WTIP: variants seen among roughly 807,000 people sequenced by gnomAD.
WTIP encodes the protein WT1 interacting protein.
Under a neutral mutation model 41.7 loss-of-function variants are expected in WTIP, and 23 were observed. That is an observed-to-expected ratio of 0.55 (90% confidence interval 0.40 to 0.78). The LOEUF (loss-of-function observed/expected upper bound fraction) is 0.78, where lower values mean the gene tolerates loss of function less well. Among genes scored for constraint, WTIP ranks in the 30% least tolerant of loss-of-function variants. The pLI, the probability that WTIP is intolerant of heterozygous loss-of-function variation, is 0.00. For synonymous variants in WTIP, 314 were observed against 269.9 expected, an observed-to-expected ratio of 1.16 and a Z score of -1.60; for missense variants, 619 against 610.5, an observed-to-expected ratio of 1.01 and a Z score of -0.15.
Position 34,493,659 on chromosome 19 carries a change from G to A in WTIP, c.1031+37G>A, listed in dbSNP as rs1254408568. The stretch of plus-strand genomic sequence containing the variant: ...GTGCTGTGGAGCAGGCGGGACTCGG[G>A]CCGTCCTCCCTGGCTCCTCTGGAAG... On this transcript the variant is annotated intron_variant, in intron 5 of 7. Transcript: ENST00000590071. The surrounding 1 kb of genome is among the most constrained non-coding windows in gnomAD (Gnocchi z 4.1). The A allele has an allele frequency of 6.2e-7, 1 of 1,611,164 alleles. No individual in the cohort carries two copies. The highest frequency in any genetic ancestry group is 8.5e-7 in the Non-Finnish European group (1 of 1,178,840).
chr19:34,506,872 G>A lies in WTIP; in HGVS notation c.*6603G>A, dbSNP rs190188273. 6.6e-6 allele frequency: 1 copy of A among 152,124 alleles called. No homozygotes were observed. The highest frequency in any genetic ancestry group is 6.5e-5 in the Admixed American group (1 of 15,270). 9.4% of individuals were successfully genotyped at this position (152,124 alleles called of 1,614,324 possible). On this transcript the variant is annotated 3_prime_UTR_variant, in exon 8 of 8. Transcript: ENST00000590071. ...CTTTCCCGTGAAAACTACTTTTTTG[G>A]TTTGGTTTGAAGGTAAGAAAGAGCG... is the stretch of plus-strand genomic sequence containing the variant.
chr19:34,486,785 C>T (rs894219416), intron 1 of WTIP, among the ~76,000 whole-genome samples: 7 of 152,156 alleles, frequency 4.6e-5, no homozygotes, highest in Admixed American at 2.6e-4. Context: ...TCTTCACCAC[C>T]GTCCTGCCCC....
chr19:34,482,099 G>C lies in WTIP; in HGVS notation c.125G>C (p.Gly42Ala), dbSNP rs2145587024. 1.9e-6 allele frequency: 2 copies of C among 1,042,322 alleles called. No individual in the cohort carries two copies. Among genetic ancestry groups the C allele is most frequent in the Admixed American group, 1.1e-4 (2 of 17,838 alleles). 64.6% of individuals were successfully genotyped at this position (1,042,322 alleles called of 1,614,324 possible). The change falls in exon 1 of 8, where the codon GGA (glycine) becomes GCA (alanine). Residue 42 changes from glycine (G) to alanine (A), a missense_variant. Physicochemically the swap from Gly to Ala is moderately conservative, Grantham distance 60. Coordinates refer to ENST00000590071, the MANE Select transcript of WTIP (RefSeq NM_001080436.2). ...CGGCGGGGGCCGCGGCCTGGGCCTG[G>C]AGACGAGGCGGCGCCCGCGCTGGGC... ...RGRRGPRPGP[G>A]DEAAPALGRR...
rs958247591 is a variant in WTIP at position 34,482,191 on chromosome 19, C to T, written c.217C>T (p.Pro73Ser). 1.8e-6 allele frequency: 2 copies of T among 1,106,476 alleles called. No individual in the cohort carries two copies. The highest frequency in any genetic ancestry group is 1.1e-6 in the Non-Finnish European group (1 of 910,382). The allele number at this position is 1,106,476 out of a possible 1,614,324, so 68.5% of individuals were successfully genotyped here. Residue 73 changes from proline (P) to serine (S), a missense_variant, in exon 1 of 8, where the codon CCC becomes TCC. Around this residue, in one of 3 missense-constraint regions of WTIP, gnomAD observed 363 missense variants for 309.0 expected, o/e 1.17. Transcript: ENST00000590071. ...ADGLSRGERG[P>S]RRAAVPELSA... Reference sequence around the variant, plus strand: ...CGGACTGAGCCGCGGGGAGCGGGGTCCCCGGCGCGCGGCGGTTCCGGAGCT... The same window carrying T: ...CGGACTGAGCCGCGGGGAGCGGGGTTCCCGGCGCGCGGCGGTTCCGGAGCT...
rs35441081 is a variant in WTIP at position 34,502,254 on chromosome 19, C to CT, written c.*2004dup. 0.032 allele frequency: 3,493 copies of CT among 110,082 alleles called. 79 individuals carry two copies. Among genetic ancestry groups the CT allele is most frequent in the Middle Eastern group, 0.049 (8 of 162 alleles). The allele number at this position is 110,082 out of a possible 1,614,324, so 6.8% of individuals were successfully genotyped here. A position where few individuals can be genotyped will look rare whatever the true frequency, so the allele number is the denominator to read the frequency against. ...TACAGGTGTGTACCACTGTGCCCGG[C>CT]TTTTTTTTTTTTTTTTTTTGAGACA... On this transcript the variant is annotated 3_prime_UTR_variant, in exon 8 of 8. Coordinates refer to ENST00000590071, the MANE Select transcript of WTIP (RefSeq NM_001080436.2).
chr19:34,497,951 C>T (rs559101172), intron 7 of WTIP, among the ~76,000 whole-genome samples: 44 of 152,260 alleles, frequency 2.9e-4, no homozygotes, highest in South Asian at 1.0e-3. Flanking sequence ...GCGGGGCAGG[C>T]GGCTGGTGGT....
At chr19:34,492,731 T>C (rs2075832054) in intron 2 of WTIP, among the ~76,000 whole-genome samples, 1 of 151,422 alleles carries the variant, frequency 6.6e-6, no homozygotes, top group Non-Finnish European at 1.5e-5. Context: ...AAATTTGCTG[T>C]GAATTCAACT....
Position 34,500,297 on chromosome 19 carries a change from G to GGTGGGT in WTIP, c.*39_*44dup, listed in dbSNP as rs765174899. 10 of 1,572,608 alleles carry GGTGGGT rather than the reference G, an allele frequency of 6.4e-6. No individual in the cohort carries two copies. In the Admixed American group the frequency reaches 7.1e-5, roughly 11 times the overall value. ...AGGGGAAAACCCGTCCCTGGGCCGG[G>GGTGGGT]GTGGGTGTGGGTGTGGAGGGAGGGC... On this transcript the variant is annotated 3_prime_UTR_variant, in exon 8 of 8. Coordinates refer to ENST00000590071, the MANE Select transcript of WTIP (RefSeq NM_001080436.2).
chr19:34,482,016 C>T lies in WTIP; in HGVS notation c.42C>T (p.Leu14=). Reference sequence around the variant, plus strand: ...CGGGCGCGGACGAGGCGGCCCTACTCCTGGCCGGGCTGGCCCTGCGGGAGC... The same window carrying T: ...CGGGCGCGGACGAGGCGGCCCTACTTCTGGCCGGGCTGGCCCTGCGGGAGC... ...SRAGADEAAL[L]LAGLALRELE... The change falls in exon 1 of 8, where the codon CTC becomes CTT. Residue 14 remains leucine, a synonymous_variant. Coordinates refer to ENST00000590071, the MANE Select transcript of WTIP (RefSeq NM_001080436.2). 2.0e-6 allele frequency: 2 copies of T among 1,022,964 alleles called. No homozygotes were observed. The highest frequency in any genetic ancestry group is 2.3e-6 in the Non-Finnish European group (2 of 855,736). The allele number at this position is 1,022,964 out of a possible 1,614,324, so 63.4% of individuals were successfully genotyped here.
intron 7 of WTIP, among the ~76,000 whole-genome samples, chr19:34,499,127 A>G (rs1245492917): frequency 6.6e-6 from 1 of 151,948 alleles, no homozygotes; most frequent in African/African-American, 2.4e-5. Flanking sequence ...AGGTGGGAGG[A>G]CTGCTTGAGC....
At chr19:34,490,332 G>A (rs376675535) in intron 1 of WTIP, 44 bp from the exon 2 acceptor site, 1 of 1,589,058 alleles carries the variant, frequency 6.3e-7, no homozygotes, top group Non-Finnish European at 8.6e-7. Flanking sequence ...TGTGGCATAG[G>A]CTGTGGCGCT....
At chr19:34,499,035 G>T (rs114335899) in intron 7 of WTIP, among the ~76,000 whole-genome samples, 1 of 151,694 alleles carries the variant, frequency 6.6e-6, no homozygotes, top group East Asian at 1.9e-4. Context: ...ATAGCAAGAC[G>T]CCATGTCTAC....
rs2075879318 is a variant in WTIP, at chr19:34,500,478, CCA to C, written c.*211_*212del. 1 of 660,560 alleles carries C rather than the reference CCA, an allele frequency of 1.5e-6. No individual in the cohort carries two copies. Among genetic ancestry groups the C allele is most frequent in the African/African-American group, 1.8e-5 (1 of 54,952 alleles). The allele number at this position is 660,560 out of a possible 1,614,324, so 40.9% of individuals were successfully genotyped here. A position where few individuals can be genotyped will look rare whatever the true frequency, so the allele number is the denominator to read the frequency against. The stretch of plus-strand genomic sequence containing the variant: ...CTTCCCTGCGGGCCCTGCCTCCCAC[CCA>C]CCCCATCACCAGCTTTCCACTTGGA... On this transcript the variant is annotated 3_prime_UTR_variant, in exon 8 of 8. Transcript: ENST00000590071.
At chr19:34,483,216 G>A (rs988368288) in intron 1 of WTIP, among the ~76,000 whole-genome samples, 8 of 135,912 alleles carry the variant, frequency 5.9e-5, no homozygotes, top group African/African-American at 2.2e-4. Context: ...TAGAGACAGA[G>A]TCTCCCTATG....
rs932013661 is a variant in WTIP at position 34,500,031 on chromosome 19, T to C, written c.1153-98T>C. The C allele has an allele frequency of 1.4e-5, 21 of 1,503,684 alleles. No homozygotes were observed. The African/African-American group carries it at 2.6e-4, about 19-fold the overall frequency. 93.1% of individuals were successfully genotyped at this position (1,503,684 alleles called of 1,614,324 possible). On this transcript the variant is annotated intron_variant, in intron 7 of 7. Coordinates refer to ENST00000590071, the MANE Select transcript of WTIP (RefSeq NM_001080436.2). ...GTCTTCATGTTGTTTTGCGGCACCC[T>C]GCAGATCTGCCCCTCCCCTCCGTCC...
At chr19:34,490,795 G>A (rs543961933) in intron 2 of WTIP, among the ~76,000 whole-genome samples, 11 of 152,280 alleles carry the variant, frequency 7.2e-5, no homozygotes, top group African/African-American at 1.7e-4. Context: ...CTGGACATAC[G>A]ACTAATATTT....
chr19:34,482,483 G>A lies in WTIP; in HGVS notation c.509G>A (p.Arg170His). The part of the protein sequence containing the change: ...LPPGACPAPA[R>H]SPEPAGPAPF... ...CCCGGCGCCTGCCCCGCGCCCGCTC[G>A]CTCCCCGGAGCCTGCGGGGCCGGCT... Residue 170 changes from arginine to histidine, a missense_variant, in exon 1 of 8, where the codon CGC becomes CAC. Transcript: ENST00000590071. The A allele has an allele frequency of 8.0e-7, 1 of 1,243,486 alleles. No individual in the cohort carries two copies. The highest frequency in any genetic ancestry group is 1.0e-6 in the Non-Finnish European group (1 of 997,192). The allele number at this position is 1,243,486 out of a possible 1,614,324, so 77.0% of individuals were successfully genotyped here.
At chr19:34,494,215 G>C (rs1295863262) in intron 5 of WTIP, among the ~76,000 whole-genome samples, 1 of 152,116 alleles carries the variant, frequency 6.6e-6, no homozygotes, top group African/African-American at 2.4e-5. Context: ...GAACCTGAAG[G>C]CATCCTGGAG....
rs112337528 is a variant in WTIP at position 34,490,317 on chromosome 19, G to A, written c.668-59G>A. Reference sequence around the variant, plus strand: ...TGGGCGGTGTCAAGACGGGGAGTCCGTCGGTGTGGCATAGGCTGTGGCGCT... The same window carrying A: ...TGGGCGGTGTCAAGACGGGGAGTCCATCGGTGTGGCATAGGCTGTGGCGCT... On this transcript the variant is annotated intron_variant, in intron 1 of 7. Coordinates refer to ENST00000590071, the MANE Select transcript of WTIP (RefSeq NM_001080436.2). 1,778 of 1,535,482 alleles carry A rather than the reference G, an allele frequency of 1.2e-3. 17 individuals carry two copies. In the African/African-American group the frequency reaches 0.022, roughly 19 times the overall value.
Sources: allele counts gnomAD v4.1 joint callset (sites outside exome capture counted in the v4.1 genomes callset), GRCh38; gene constraint gnomAD v4.1.1; regional missense constraint gnomAD v4.1.1; non-coding constraint Gnocchi (gnomAD v3.1); transcripts MANE v1.5; gene names NCBI Gene and HGNC (gene_info 2026-07-23, HGNC 2026-07-21).